The following ATP10A variants were observed in gnomAD, a reference collection of about 807,000 sequenced individuals.
ATP10A encodes ATPase phospholipid transporting 10A (putative).
In ATP10A, 111 loss-of-function variants were observed where a neutral mutation model predicts 147.8. The observed-to-expected ratio is 0.75, with a 90% CI of 0.64 to 0.88. ATP10A has a LOEUF of 0.88. ATP10A is among the 40% of genes least tolerant of loss of function. The probability of loss-of-function intolerance (pLI) is 0.00; values close to 1 mark genes in which losing one functional copy is unlikely to be tolerated. For missense variants in ATP10A, 1,927 were observed against 1,959.0 expected (o/e 0.98, Z 0.31); for synonymous variants, 875 against 841.6 (o/e 1.04, Z -0.69).
chr15:25,701,793 C>G, intron 13 of ATP10A, 123 bp downstream of exon 13: 1 of 994,066 alleles, frequency 1.0e-6, no homozygotes. Flanking sequence ...ATCCTAAACC[C>G]GAATGCGGAG....
At chr15:25,863,354 G>A (rs573830359), upstream of ATP10A, 1 of 161,038 alleles carries the variant, frequency 6.2e-6, no homozygotes, top group Non-Finnish European at 1.3e-5. Flanking sequence ...GAGCCCCCTT[G>A]TCCTCGCCGC....
intron 1 of ATP10A, among the ~76,000 whole-genome samples, chr15:25,819,745 T>C (rs1891803455): frequency 6.6e-6 from 1 of 152,176 alleles, no homozygotes; most frequent in African/African-American, 2.4e-5. Flanking sequence ...TATTCAGCCA[T>C]AAAAAGAATG....
chr15:25,862,969 C>G lies in ATP10A; in HGVS notation c.128G>C (p.Gly43Ala). 2 of 1,518,598 alleles carry G rather than the reference C, an allele frequency of 1.3e-6. No homozygotes were observed. The highest frequency in any genetic ancestry group is 1.8e-6 in the Non-Finnish European group (2 of 1,140,216). The allele number at this position is 1,518,598 out of a possible 1,614,324, so 94.1% of individuals were successfully genotyped here. The change falls in exon 1 of 21, where the codon GGC becomes GCC. Residue 43 changes from glycine to alanine, a missense_variant. Transcript: ENST00000555815. Reference protein sequence around the residue: ...PPPGAEDPAAGAAKGERRRRR... With the variant: ...PPPGAEDPAAAAAKGERRRRR... ...CCGTCGCCGCTCGCCCTTGGCCGCG[C>G]CAGCCGCAGGGTCCTCGGCGCCCGG...
At position 25,847,609 on chromosome 15, in the gene ATP10A, C is replaced by CTTTTTTTTTTT. The variant is rs34212354; in HGVS notation, c.449+15028_449+15038dup. The stretch of plus-strand genomic sequence containing the variant: ...CCTAGCTAATTCAAACAGCTACAGC[C>CTTTTTTTTTTT]TTTTTTTTTTTTTTTTTTTTTTTTT... On this transcript the variant is annotated intron_variant, in intron 1 of 20. Transcript: ENST00000555815. Among the ~76,000 whole-genome samples the CTTTTTTTTTTT allele has an allele frequency of 3.4e-4, 14 of 40,738 alleles. 5 individuals are homozygous for CTTTTTTTTTTT. Among genetic ancestry groups the CTTTTTTTTTTT allele is most frequent in the Non-Finnish European group, 6.5e-4 (13 of 19,914 alleles). 26.7% of individuals were successfully genotyped at this position (40,738 alleles called of 152,430 possible).
At chr15:25,676,220 C>T (rs920924887), downstream of ATP10A, among the ~76,000 whole-genome samples, 15 of 152,134 alleles carry the variant, frequency 9.9e-5, no homozygotes, top group African/African-American at 2.9e-4. Flanking sequence ...CGGCCCCTTA[C>T]CGAAGGCACA....
chr15:25,805,562 A>G (rs1469478805), intron 1 of ATP10A, among the ~76,000 whole-genome samples: 5 of 152,214 alleles, frequency 3.3e-5, no homozygotes, highest in African/African-American at 1.2e-4. Flanking sequence ...CTCAGATAAA[A>G]GTCACAGTCT....
At chr15:25,861,110 T>A (rs12906552) in intron 1 of ATP10A, among the ~76,000 whole-genome samples, 1 of 151,916 alleles carries the variant, frequency 6.6e-6, no homozygotes, top group Non-Finnish European at 1.5e-5. Flanking sequence ...TGACAGTCAC[T>A]CTTGCTGACT....
intron 17 of ATP10A, 51 bp downstream of exon 17, chr15:25,683,235 G>A (rs766565018): frequency 9.6e-6 from 15 of 1,557,518 alleles, no homozygotes; most frequent in East Asian, 2.3e-5. Context: ...AAGAGTGAAC[G>A]TGGAGGGCAG....
At chr15:25,865,060 T>C (rs1893926239), upstream of ATP10A, 2 of 152,260 alleles carry the variant, frequency 1.3e-5, no homozygotes, top group Non-Finnish European at 2.9e-5. Flanking sequence ...AGCCAAATGC[T>C]GATTCCTCAG....
intron 2 of ATP10A, among the ~76,000 whole-genome samples, chr15:25,750,299 C>G (rs890419395): frequency 2.3e-4 from 35 of 151,932 alleles, no homozygotes; most frequent in African/African-American, 7.7e-4. Context: ...TTTAAAGCAC[C>G]AAAGTGTAAA....
rs1353824114 is a variant in ATP10A, at chr15:25,698,496, T to G, written c.2761-3350A>C. ...CATATAATACATACAATATACAGAATAGGTGGTAATTGACTATTTGTTATC... is the reference window on the plus strand; with the variant it reads ...CATATAATACATACAATATACAGAAGAGGTGGTAATTGACTATTTGTTATC... On this transcript the variant is annotated intron_variant, in intron 13 of 20. Coordinates refer to ENST00000555815, the MANE Select transcript of ATP10A (RefSeq NM_024490.4). Among the ~76,000 whole-genome samples, 6 of 151,414 alleles carry G rather than the reference T, an allele frequency of 4.0e-5. No individual in the cohort carries two copies. The East Asian group carries it at 1.2e-3, about 29-fold the overall frequency.
chr15:25,750,850 G>A (rs576152413), intron 2 of ATP10A, among the ~76,000 whole-genome samples: 85 of 152,064 alleles, frequency 5.6e-4, no homozygotes, highest in African/African-American at 2.0e-3. Context: ...ATGAATTAAA[G>A]ATGTATCCAA....
In ATP10A at chr15:25,756,728, G is replaced by C. The variant is rs112738348; in HGVS notation, c.655-20587C>G. 3.1e-3 allele frequency among the ~76,000 whole-genome samples: 473 copies of C among 152,328 alleles called. 6 individuals are homozygous for C. Among genetic ancestry groups the C allele is most frequent in the African/African-American group, 0.01 (427 of 41,572 alleles). ...CTGAAAGAAACAGAACAACTCAAATGACTTTTGATCCACATTACCTGGGTA... is the reference window on the plus strand; with the variant it reads ...CTGAAAGAAACAGAACAACTCAAATCACTTTTGATCCACATTACCTGGGTA... On this transcript the variant is annotated intron_variant, in intron 2 of 20. Transcript: ENST00000555815.
Position 25,725,920 on chromosome 15 carries a change from C to G in ATP10A, c.979+31G>C, listed in dbSNP as rs1377748618. Reference sequence around the variant, plus strand: ...GGCACGAGCCACTGCGCCTGGCCCCCACTCATTTCCGATCCATCTAGGAGA... The same window carrying G: ...GGCACGAGCCACTGCGCCTGGCCCCGACTCATTTCCGATCCATCTAGGAGA... On this transcript the variant is annotated intron_variant, in intron 5 of 20. Coordinates refer to ENST00000555815, the MANE Select transcript of ATP10A (RefSeq NM_024490.4). 3.8e-6 allele frequency: 6 copies of G among 1,588,308 alleles called. No homozygotes were observed. In the Admixed American group the frequency reaches 5.0e-5, roughly 13 times the overall value.
At chr15:25,793,262 G>A (rs1890518196) in intron 1 of ATP10A, among the ~76,000 whole-genome samples, 1 of 152,170 alleles carries the variant, frequency 6.6e-6, no homozygotes, top group African/African-American at 2.4e-5. Flanking sequence ...CCTCCAGATA[G>A]AAATGCATGC....
chr15:25,675,150 C>G (rs1018560535), downstream of ATP10A, among the ~76,000 whole-genome samples: 20 of 152,182 alleles, frequency 1.3e-4, no homozygotes, highest in Non-Finnish European at 2.6e-4. Flanking sequence ...ACTGGTTGGG[C>G]CTGAGCCTGG....
At chr15:25,676,273 G>C (rs1245155261), downstream of ATP10A, among the ~76,000 whole-genome samples, 3 of 152,200 alleles carry the variant, frequency 2.0e-5, no homozygotes, top group African/African-American at 7.2e-5. Flanking sequence ...GAGTCAGGGA[G>C]CCGGGACCCT....
At position 25,714,247 on chromosome 15, in the gene ATP10A, A is replaced by C; in HGVS notation, c.1777-6T>G. ...AGCTCAAACCTCACCCTCACCTGCA[A>C]GAGAAATGGTCAGAAGGCAGGTGAG... On this transcript the variant is annotated splice_region_variant and splice_polypyrimidine_tract_variant and intron_variant, in intron 9 of 20. Transcript: ENST00000555815. 8.1e-6 allele frequency: 13 copies of C among 1,598,904 alleles called. No individual in the cohort carries two copies. Among genetic ancestry groups the C allele is most frequent in the Non-Finnish European group, 1.1e-5 (13 of 1,179,868 alleles).
chr15:25,705,459 A>AAC (rs1397018216), intron 12 of ATP10A, among the ~76,000 whole-genome samples: 3 of 2,692 alleles, frequency 1.1e-3, no homozygotes, highest in Non-Finnish European at 5.0e-3. Flanking sequence ...AAAAACAAAA[A>AAC]AAAAAAACAA....
Sources: allele counts gnomAD v4.1 joint callset (sites outside exome capture counted in the v4.1 genomes callset), GRCh38; gene constraint gnomAD v4.1.1; transcripts MANE v1.5; gene names NCBI Gene and HGNC (gene_info 2026-07-23, HGNC 2026-07-21).